Variants in DNAH6 observed in about 807,000 individuals in gnomAD.
DNAH6 encodes the protein dynein axonemal heavy chain 6.
A neutral mutation model predicts 491.4 loss-of-function variants in DNAH6; 340 were observed. That is an observed-to-expected ratio of 0.69 (90% confidence interval 0.63 to 0.76). DNAH6 has a LOEUF of 0.76. DNAH6 is among the 30% of genes least tolerant of loss of function. DNAH6 has a pLI of 0.00. For synonymous variants in DNAH6, 1,603 were observed against 1,686.1 expected (o/e 0.95, Z 1.21); for missense variants, 4,443 against 4,972.2 (o/e 0.89, Z 3.20).
At chr2:84,805,640 G>A (rs1456641951) in intron 70 of DNAH6, 25 bp from the exon 71 acceptor site, 39 of 1,532,654 alleles carry the variant, frequency 2.5e-5, no homozygotes, top group Non-Finnish European at 3.2e-5. Context: ...AGTCTTCACT[G>A]TTCTGTCTCT....
intron 63 of DNAH6, among the ~76,000 whole-genome samples, chr2:84,749,645 A>G (rs528608927): frequency 6.6e-6 from 1 of 152,296 alleles, no homozygotes; most frequent in Non-Finnish European, 1.5e-5. Flanking sequence ...TAAATCAGTA[A>G]CACTTTGTTC....
In DNAH6 at chr2:84,634,628, C is replaced by T. The variant is rs1323800434; in HGVS notation, c.4640C>T (p.Ala1547Val). 1 of 1,535,034 alleles carries T rather than the reference C, an allele frequency of 6.5e-7. No homozygotes were observed. Among genetic ancestry groups the T allele is most frequent in the Admixed American group, 2.1e-5 (1 of 47,908 alleles). ...CAGCAACTCATTACCATTAGGAACG[C>T]CAAAGCGGCAAAGGTAAGGCACTGG... ...IAQQLITIRNAKAAKLSRFMF... is the reference protein window; with the variant it reads ...IAQQLITIRNVKAAKLSRFMF... Residue 1547 changes from alanine (A) to valine (V), a missense_variant, in exon 30 of 77, where the codon GCC (alanine) becomes GTC (valine). By Grantham distance (64) the Ala-to-Val change is moderately conservative. Coordinates refer to ENST00000389394, the MANE Select transcript of DNAH6 (RefSeq NM_001370.2).
At chr2:84,624,411 A>G (rs771973458) in intron 27 of DNAH6, 21 bp downstream of exon 27, 2 of 1,549,392 alleles carry the variant, frequency 1.3e-6, no homozygotes, top group African/African-American at 1.4e-5. Flanking sequence ...CATTTAAGTA[A>G]AATTATATAC....
intron 22 of DNAH6, among the ~76,000 whole-genome samples, chr2:84,613,288 C>T (rs575511867): frequency 5.9e-5 from 9 of 152,164 alleles, no homozygotes; most frequent in African/African-American, 1.9e-4. Context: ...AAAGGCAAGG[C>T]TCCCAAGGTG....
the DNAH6 span, among the ~76,000 whole-genome samples, chr2:84,486,755 A>G: frequency 2.0e-5 from 3 of 151,916 alleles, no homozygotes; most frequent in East Asian, 2.0e-4. Context: ...ATTTCACCAC[A>G]TATGCAATAG....
At chr2:84,573,071 A>G (rs1042788753) in intron 11 of DNAH6, among the ~76,000 whole-genome samples, 1 of 152,226 alleles carries the variant, frequency 6.6e-6, no homozygotes, top group African/African-American at 2.4e-5. Context: ...TTTTCTGGGC[A>G]TGCTAAACAG....
the DNAH6 span, among the ~76,000 whole-genome samples, chr2:84,484,558 C>T: frequency 6.6e-6 from 1 of 152,132 alleles, no homozygotes; most frequent in Non-Finnish European, 1.5e-5. Context: ...AGAGGCTGCC[C>T]ATATTCCTTG....
rs571387760 is a variant in DNAH6, at chr2:84,805,336, T to C, written c.11482-329T>C. ...ATCTAAAATAGTCAAATTCATAGAA[T>C]TAAAGAGTGGAATGGTAGTTGCCAG... On this transcript the variant is annotated intron_variant, in intron 70 of 76. Transcript: ENST00000389394. 2.4e-4 allele frequency among the ~76,000 whole-genome samples: 37 copies of C among 152,250 alleles called. No individual in the cohort carries two copies. In the South Asian group the frequency reaches 7.5e-3, roughly 31 times the overall value.
chr2:84,723,374 A>T (rs1698346373), intron 60 of DNAH6, among the ~76,000 whole-genome samples: 1 of 152,178 alleles, frequency 6.6e-6, no homozygotes, highest in Admixed American at 6.5e-5. Flanking sequence ...CCCAGTATGC[A>T]CAGAACACTC....
At position 84,808,649 on chromosome 2, in the gene DNAH6, A is replaced by G. The variant is rs887308803; in HGVS notation, c.11739+107A>G. ...ATCACTTCAGCATTTCCATTTGGAT[A>G]CACTAACAACTCTTCAAGCCCAATG... On this transcript the variant is annotated intron_variant, in intron 72 of 76. Coordinates refer to ENST00000389394, the MANE Select transcript of DNAH6 (RefSeq NM_001370.2). The G allele has an allele frequency of 2.7e-6, 3 of 1,124,718 alleles. No homozygotes were observed. In the African/African-American group the frequency reaches 4.7e-5, roughly 18 times the overall value. The allele number at this position is 1,124,718 out of a possible 1,614,324, so 69.7% of individuals were successfully genotyped here. A position where few individuals can be genotyped will look rare whatever the true frequency, so the allele number is the denominator to read the frequency against.
intron 33 of DNAH6, among the ~76,000 whole-genome samples, chr2:84,646,182 T>C (rs1689876885): frequency 6.6e-6 from 1 of 152,236 alleles, no homozygotes. Flanking sequence ...TGATCTTTGA[T>C]GTTACTATTG....
At chr2:84,663,440 C>T (rs542417102) in intron 37 of DNAH6, among the ~76,000 whole-genome samples, 8 of 152,238 alleles carry the variant, frequency 5.3e-5, no homozygotes, top group East Asian at 1.9e-4. Flanking sequence ...ACGAGAACTA[C>T]GTGACACATG....
At chr2:84,710,533 C>T (rs927307877) in intron 56 of DNAH6, 121 bp downstream of exon 56, 1 of 943,188 alleles carries the variant, frequency 1.1e-6, no homozygotes, top group African/African-American at 1.7e-5. Flanking sequence ...TCAAATTGGT[C>T]AAACCAGTTC....
intron 64 of DNAH6, among the ~76,000 whole-genome samples, chr2:84,770,190 T>C (rs529113161): frequency 6.6e-6 from 1 of 152,312 alleles, no homozygotes; most frequent in East Asian, 1.9e-4. Flanking sequence ...AATTAGTTTA[T>C]AAAAGTCTTT....
At chr2:84,772,468 T>G (rs191946936) in intron 64 of DNAH6, among the ~76,000 whole-genome samples, 30 of 152,158 alleles carry the variant, frequency 2.0e-4, no homozygotes, top group Non-Finnish European at 1.6e-4. Flanking sequence ...AGATTCACGT[T>G]AGATCCAACC....
chr2:84,674,642 A>G (rs1030367145), intron 40 of DNAH6, among the ~76,000 whole-genome samples: 3 of 152,216 alleles, frequency 2.0e-5, no homozygotes, highest in African/African-American at 7.2e-5. Context: ...AGTCTTTTGC[A>G]TATAAGGCTT....
intron 63 of DNAH6, among the ~76,000 whole-genome samples, chr2:84,757,028 A>T (rs1403307923): frequency 6.6e-6 from 1 of 152,230 alleles, no homozygotes; most frequent in African/African-American, 2.4e-5. Context: ...TGATCCCGCA[A>T]TCCAGACATG....
chr2:84,464,720 G>A, the DNAH6 span, among the ~76,000 whole-genome samples: 1 of 152,172 alleles, frequency 6.6e-6, no homozygotes. Flanking sequence ...GAGTGTAGCA[G>A]TGAGAATGAC....
intron 4 of DNAH6, among the ~76,000 whole-genome samples, chr2:84,533,743 C>T (rs1260480182): frequency 6.6e-6 from 1 of 152,146 alleles, no homozygotes; most frequent in Non-Finnish European, 1.5e-5. Context: ...AATTGAAACA[C>T]TCAGCCTTGC....
Sources: allele counts gnomAD v4.1 joint callset (sites outside exome capture counted in the v4.1 genomes callset), GRCh38; gene constraint gnomAD v4.1.1; transcripts MANE v1.5; gene names NCBI Gene and HGNC (gene_info 2026-07-23, HGNC 2026-07-21).